The following AMELY variants were observed in gnomAD, a reference collection of about 807,000 sequenced individuals.
The protein encoded by AMELY is amelogenin, Y isoform.
AMELY carries 4 observed loss-of-function variants against 4.2 expected under a neutral mutation model. The ratio of observed to expected loss-of-function variants is 0.96; its 90% CI spans 0.47 to 2.19. AMELY has a LOEUF of 2.19. Among genes scored for constraint, AMELY ranks in the 30% most tolerant of loss-of-function variants. The probability of loss-of-function intolerance (pLI) is 0.02; values close to 1 mark genes in which losing one functional copy is unlikely to be tolerated. For missense variants in AMELY, 32 were observed against 41.5 expected, an observed-to-expected ratio of 0.77 and a Z score of 0.63; for synonymous variants, 11 against 14.7, an observed-to-expected ratio of 0.75 and a Z score of 0.57.
At chrY:6,884,297 G>C in intron 1 of AMELY, among the ~76,000 whole-genome samples, 2 of 30,611 alleles carry the variant, frequency 6.5e-5, no homozygotes, top group Non-Finnish European at 1.6e-4. Flanking sequence ...GGGGGGCTGG[G>C]GGGGGATAAT....
intron 1 of AMELY, among the ~76,000 whole-genome samples, chrY:6,895,033 G>T (rs2054085425): frequency 3.0e-5 from 1 of 33,626 alleles, no homozygotes. Flanking sequence ...TGGAATCCAT[G>T]GCTAACTACT....
At chrY:6,879,516 A>T in intron 1 of AMELY, among the ~76,000 whole-genome samples, 1 of 33,610 alleles carries the variant, frequency 3.0e-5, no homozygotes, top group South Asian at 6.7e-4. Flanking sequence ...TTTGCTGTGC[A>T]GAAGCTTTTT....
chrY:6,865,989 G>A lies in AMELY; in HGVS notation c.*84C>T. ...ACAGAATTTGCTAAGTTAAGTGATT[G>A]TAAGCAAAAATCATTGTGTGCTTGT... On this transcript the variant is annotated 3_prime_UTR_variant, in exon 7 of 7. Transcript: ENST00000651267. The A allele has an allele frequency of 6.6e-6, 1 of 152,229 alleles. No homozygotes were observed. Among genetic ancestry groups the A allele is most frequent in the Non-Finnish European group, 1.0e-5 (1 of 95,461 alleles). 38.0% of individuals were successfully genotyped at this position (152,229 alleles called of 400,897 possible).
At chrY:6,885,268 A>G (rs751843209) in intron 1 of AMELY, among the ~76,000 whole-genome samples, 6 of 33,675 alleles carry the variant, frequency 1.8e-4, no homozygotes, top group Middle Eastern at 0.014. Flanking sequence ...TCACGAGGTC[A>G]GGAGATCGAG....
At chrY:6,881,891 C>G in intron 1 of AMELY, among the ~76,000 whole-genome samples, 1 of 32,400 alleles carries the variant, frequency 3.1e-5, no homozygotes, top group Non-Finnish European at 7.5e-5. Flanking sequence ...TGAGAAGGAC[C>G]TCTTCAAGGA....
chrY:6,876,997 G>A, intron 1 of AMELY, among the ~76,000 whole-genome samples: 1 of 33,250 alleles, frequency 3.0e-5, no homozygotes, highest in Admixed American at 2.8e-4. Flanking sequence ...GAGAATTTAA[G>A]GTTAGGATGT....
At chrY:6,884,792 T>C in intron 1 of AMELY, among the ~76,000 whole-genome samples, 1 of 33,588 alleles carries the variant, frequency 3.0e-5, no homozygotes. Context: ...ATTCTAAATA[T>C]ATGTGCATCT....
Position 6,885,275 on chromosome Y carries a change from C to A in AMELY, c.-112-11204G>T, listed in dbSNP as rs574352037. On this transcript the variant is annotated intron_variant, in intron 1 of 6. Transcript: ENST00000651267. ...GGGGCGGATCACGAGGTCAGGAGAT[C>A]GAGACCATCCTAACACAGTGAAACC... Among the ~76,000 whole-genome samples the A allele has an allele frequency of 3.6e-4, 12 of 33,355 alleles. No homozygotes were observed. The South Asian group carries it at 5.4e-3, about 15-fold the overall frequency. 89.5% of individuals were successfully genotyped at this position (33,355 alleles called of 37,273 possible).
At chrY:6,906,878 A>T in intron 1 of AMELY, among the ~76,000 whole-genome samples, 1 of 31,746 alleles carries the variant, frequency 3.1e-5, no homozygotes, top group African/African-American at 1.3e-4. Context: ...TTAATGCCTC[A>T]GCCTCCCCAG....
intron 1 of AMELY, among the ~76,000 whole-genome samples, chrY:6,877,026 G>A: frequency 3.0e-5 from 1 of 33,396 alleles, no homozygotes; most frequent in Non-Finnish European, 7.4e-5. Flanking sequence ...CTGGGGCTGA[G>A]TCCAAACAGA....
intron 1 of AMELY, among the ~76,000 whole-genome samples, chrY:6,878,349 T>A: frequency 9.1e-5 from 3 of 33,133 alleles, no homozygotes; most frequent in Admixed American, 8.4e-4. Flanking sequence ...ATACATTACC[T>A]TCCCTGAAGC....
chrY:6,897,421 A>G (rs2124084542), intron 1 of AMELY, among the ~76,000 whole-genome samples: 1 of 32,458 alleles, frequency 3.1e-5, no homozygotes, highest in East Asian at 8.2e-4. Flanking sequence ...ATGGTGACCT[A>G]CTTCTAGTGA....
At chrY:6,877,626 T>C (rs2054072440) in intron 1 of AMELY, among the ~76,000 whole-genome samples, 1 of 32,655 alleles carries the variant, frequency 3.1e-5, no homozygotes. Context: ...GACCTGAGAA[T>C]CCACCTAGCC....
At chrY:6,879,287 G>A in intron 1 of AMELY, among the ~76,000 whole-genome samples, 2 of 33,645 alleles carry the variant, frequency 5.9e-5, no homozygotes, top group African/African-American at 1.2e-4. Flanking sequence ...CAGTGATCAT[G>A]AGCATTTTTT....
chrY:6,895,178 T>C, intron 1 of AMELY, among the ~76,000 whole-genome samples: 1 of 33,808 alleles, frequency 3.0e-5, no homozygotes, highest in Non-Finnish European at 7.3e-5. Flanking sequence ...TAAAACCCAA[T>C]ATGACTCCCT....
intron 1 of AMELY, among the ~76,000 whole-genome samples, chrY:6,904,889 G>A (rs2011658555): frequency 3.0e-5 from 1 of 33,580 alleles, no homozygotes; most frequent in Middle Eastern, 0.014. Flanking sequence ...AAGAGCTATC[G>A]CTCAAAAGGA....
chrY:6,911,538 C>A, intron 1 of AMELY, among the ~76,000 whole-genome samples, 135 bp downstream of exon 1: 1 of 34,473 alleles, frequency 2.9e-5, no homozygotes, highest in Non-Finnish European at 7.3e-5. Context: ...AGTCGCAAAA[C>A]CGTCAAGGAA....
At chrY:6,896,199 C>G in intron 1 of AMELY, among the ~76,000 whole-genome samples, 1 of 33,394 alleles carries the variant, frequency 3.0e-5, no homozygotes. Flanking sequence ...CATCTGGAAA[C>G]AGGTAAGACA....
intron 1 of AMELY, among the ~76,000 whole-genome samples, chrY:6,883,673 C>G: frequency 1.8e-4 from 6 of 33,489 alleles, no homozygotes; most frequent in African/African-American, 6.9e-4. Context: ...TTTGCTTTTT[C>G]TTGATATAAA....
Sources: allele counts gnomAD v4.1 joint callset (sites outside exome capture counted in the v4.1 genomes callset), GRCh38; gene constraint gnomAD v4.1.1; transcripts MANE v1.5; gene names NCBI Gene and HGNC (gene_info 2026-07-23, HGNC 2026-07-21).